Variants in PRCD observed in about 807,000 individuals in gnomAD.
PRCD encodes the protein photoreceptor disc component.
Under a neutral mutation model 10.1 loss-of-function variants are expected in PRCD, and 12 were observed. The observed-to-expected ratio is 1.18, with a 90% CI of 0.76 to 1.92. PRCD has a LOEUF of 1.92. PRCD is among the 40% of genes most tolerant of loss of function. The pLI, the probability that PRCD is intolerant of heterozygous loss-of-function variation, is 0.00. For missense variants in PRCD, 61 were observed against 72.2 expected (o/e 0.84, Z 0.56); for synonymous variants, 31 against 26.2 (o/e 1.18, Z -0.56).
At chr17:76,538,817 T>C (rs369778023), upstream of PRCD, among the ~76,000 whole-genome samples, 7 of 152,354 alleles carry the variant, frequency 4.6e-5, no homozygotes, top group South Asian at 2.1e-4. Context: ...CTGGCAGTGT[T>C]GGGAAGAGAT....
rs1004027590 is a variant in PRCD at position 76,533,217 on chromosome 17, G to A, written n.45+5384G>A. On this transcript the variant is annotated intron_variant and non_coding_transcript_variant, in intron 1 of 4. Coordinates refer to the PRCD transcript ENST00000397633. This position sits in a 1 kb window ranked among gnomAD's most constrained non-coding sequence, Gnocchi z 4.5. ...TCTCAGAGGCCAACTGTGACCTTGG[G>A]CAAACCGCTTCACAAGCTCCCTGTT... is the stretch of plus-strand genomic sequence containing the variant. 6.6e-6 allele frequency among the ~76,000 whole-genome samples: 1 copy of A among 152,192 alleles called. No individual in the cohort carries two copies. The highest frequency in any genetic ancestry group is 2.4e-5 in the African/African-American group (1 of 41,448).
upstream of PRCD, among the ~76,000 whole-genome samples, chr17:76,536,415 CT>C (rs532060697): frequency 9.2e-5 from 14 of 152,270 alleles, no homozygotes; most frequent in Middle Eastern, 6.8e-3. Flanking sequence ...CTGCTCTGTC[CT>C]AGATTTGACC....
intron 1 of PRCD, among the ~76,000 whole-genome samples, chr17:76,534,963 A>G (rs4647879): frequency 0.76 from 115,418 of 152,194 alleles, 43,969 homozygotes; most frequent in South Asian, 0.88. Flanking sequence ...AGGAGCCTCC[A>G]CAGCCAGCCC....
downstream of PRCD, among the ~76,000 whole-genome samples, chr17:76,548,461 A>ACT (rs2075077975): frequency 6.6e-6 from 1 of 152,230 alleles, no homozygotes. Context: ...ACTCGAGGAG[A>ACT]GACAGACCCT....
At position 76,531,267 on chromosome 17, in the gene PRCD, G is replaced by C; in HGVS notation, n.45+3434G>C. 1 of 1,249,554 alleles carries C rather than the reference G, an allele frequency of 8.0e-7. No homozygotes were observed. Among genetic ancestry groups the C allele is most frequent in the Non-Finnish European group, 1.1e-6 (1 of 901,352 alleles). 77.4% of individuals were successfully genotyped at this position (1,249,554 alleles called of 1,614,324 possible). ...TAACGCAACAGTCTGGCAGCTTTGG[G>C]AACCCCGTGCTCTCAGGACAAGGGT... On this transcript the variant is annotated intron_variant and non_coding_transcript_variant, in intron 1 of 4. Transcript: ENST00000397633. The surrounding 1 kb of genome is among the most constrained non-coding windows in gnomAD (Gnocchi z 7.4).
upstream of PRCD, among the ~76,000 whole-genome samples, chr17:76,536,760 C>T (rs1277412415): frequency 6.6e-6 from 1 of 152,168 alleles, no homozygotes; most frequent in African/African-American, 2.4e-5. Flanking sequence ...CTTCCCCTCA[C>T]CCTCCAAACT....
At chr17:76,537,436 G>C, upstream of PRCD, 1 of 1,598,536 alleles carries the variant, frequency 6.3e-7, no homozygotes, top group Non-Finnish European at 8.5e-7. Context: ...CTCGCAGTTG[G>C]CATAGAGCCG....
At chr17:76,545,383 G>A, downstream of PRCD, 1 of 456,670 alleles carries the variant, frequency 2.2e-6, no homozygotes, top group South Asian at 1.5e-5. Context: ...TGTCCCCACT[G>A]AGGCTGAGTC....
upstream of PRCD, chr17:76,538,392 T>C: frequency 1.0e-5 from 4 of 394,266 alleles, no homozygotes; most frequent in South Asian, 7.2e-5. Flanking sequence ...ACCTCCGACC[T>C]CGGGCGCCAG....
At chr17:76,539,908 C>T (rs886229557), upstream of PRCD, 5 of 592,878 alleles carry the variant, frequency 8.4e-6, no homozygotes, top group African/African-American at 9.3e-5. Context: ...CTCAATGCCA[C>T]AGTGCATGCC....
At chr17:76,542,869 T>A (rs1567912324) in intron 3 of PRCD, among the ~76,000 whole-genome samples, 160 bp from the exon 4 acceptor site, 1 of 152,074 alleles carries the variant, frequency 6.6e-6, no homozygotes, top group Non-Finnish European at 1.5e-5. Context: ...TTGACCACAT[T>A]TTCTAGGCTT....
Position 76,540,616 on chromosome 17 carries a change from G to A in PRCD, c.143+43G>A, listed in dbSNP as rs775143019. On this transcript the variant is annotated intron_variant, in intron 2 of 4. Transcript: ENST00000592014. The surrounding 1 kb of genome is among the most constrained non-coding windows in gnomAD (Gnocchi z 5.0). ...GCTGGGGGAGGGAGGGTGCTGCCAA[G>A]GAAGCTGTGGCTGTGCATGCCTGGG... is the stretch of plus-strand genomic sequence containing the variant. 1.3e-5 allele frequency: 21 copies of A among 1,591,742 alleles called. No individual in the cohort carries two copies. The highest frequency in any genetic ancestry group is 1.7e-5 in the Non-Finnish European group (20 of 1,161,600).
rs760790445 is a variant in PRCD at position 76,544,464 on chromosome 17, G to A, written c.*814G>A. Reference sequence around the variant, plus strand: ...GCTGGGGAGGGCCTGCTGGTACCTCGGGGAGCCTGGCTGGGGTGTGTGCGA... The same window carrying A: ...GCTGGGGAGGGCCTGCTGGTACCTCAGGGAGCCTGGCTGGGGTGTGTGCGA... On this transcript the variant is annotated 3_prime_UTR_variant, in exon 5 of 5. Transcript: ENST00000592014. 2.0e-5 allele frequency: 9 copies of A among 455,342 alleles called. No homozygotes were observed. The highest frequency in any genetic ancestry group is 7.0e-5 in the Admixed American group (3 of 42,568). 28.2% of individuals were successfully genotyped at this position (455,342 alleles called of 1,614,324 possible).
intron 2 of PRCD, among the ~76,000 whole-genome samples, chr17:76,542,253 G>C (rs1239556539): frequency 6.6e-6 from 1 of 152,192 alleles, no homozygotes; most frequent in Non-Finnish European, 1.5e-5. Flanking sequence ...GGCCTGGCCT[G>C]GCGTGACTTA....
At chr17:76,535,197 G>A (rs2074902047), upstream of PRCD, among the ~76,000 whole-genome samples, 1 of 152,240 alleles carries the variant, frequency 6.6e-6, no homozygotes, top group African/African-American at 2.4e-5. Context: ...CAGGTTGGGG[G>A]TGTGGAAGTG....
rs1017156258 is a variant in PRCD, at chr17:76,533,903, C to T, written n.45+6070C>T. On this transcript the variant is annotated intron_variant and non_coding_transcript_variant, in intron 1 of 4. Coordinates refer to the PRCD transcript ENST00000397633. This position sits in a 1 kb window ranked among gnomAD's most constrained non-coding sequence, Gnocchi z 4.5. The stretch of plus-strand genomic sequence containing the variant: ...AAAATTGGCTGGGTGTGGTGGTGCC[C>T]GTCTGTAGTCCTAGCTACTTGGGAG... Among the ~76,000 whole-genome samples, 2 of 151,912 alleles carry T rather than the reference C, an allele frequency of 1.3e-5. No individual in the cohort carries two copies. Among genetic ancestry groups the T allele is most frequent in the Admixed American group, 6.6e-5 (1 of 15,250 alleles).
At chr17:76,547,097 C>T (rs900045117), downstream of PRCD, 2 of 152,284 alleles carry the variant, frequency 1.3e-5, no homozygotes, top group East Asian at 3.8e-4. Flanking sequence ...TGCCACCAAT[C>T]TGTCTTCAGG....
chr17:76,542,950 C>T (rs889707889), intron 3 of PRCD, 79 bp from the exon 4 acceptor site: 7 of 521,030 alleles, frequency 1.3e-5, no homozygotes, highest in South Asian at 6.2e-5. Flanking sequence ...AGGCGGTGCT[C>T]GGAAACATCC....
chr17:76,543,085 G>T lies in PRCD; in HGVS notation c.*116G>T. 1 of 471,582 alleles carries T rather than the reference G, an allele frequency of 2.1e-6. No individual in the cohort carries two copies. The highest frequency in any genetic ancestry group is 6.9e-5 in the East Asian group (1 of 14,418). The allele number at this position is 471,582 out of a possible 1,614,324, so 29.2% of individuals were successfully genotyped here. A position where few individuals can be genotyped will look rare whatever the true frequency, so the allele number is the denominator to read the frequency against. ...GGATGCTGTGGGAGCTGCAGCAGCG[G>T]CAAGAGGGAGAATGGGGGGAAGCAG... On this transcript the variant is annotated 3_prime_UTR_variant, in exon 4 of 5. Transcript: ENST00000592014.
Sources: allele counts gnomAD v4.1 joint callset (sites outside exome capture counted in the v4.1 genomes callset), GRCh38; gene constraint gnomAD v4.1.1; non-coding constraint Gnocchi (gnomAD v3.1); transcripts MANE v1.5; gene names NCBI Gene and HGNC (gene_info 2026-07-23, HGNC 2026-07-21).